Variants in LRRFIP1 observed in about 807,000 individuals in gnomAD.
The protein encoded by LRRFIP1 is LRR binding FLII interacting protein 1, also known as leucine-rich repeat flightless-interacting protein 1.
LRRFIP1 carries 62 observed loss-of-function variants against 104.4 expected under a neutral mutation model. That is an observed-to-expected ratio of 0.59 (90% CI 0.48 to 0.73). The LOEUF (loss-of-function observed/expected upper bound fraction) is 0.73. LRRFIP1 is among the 30% of genes least tolerant of loss of function. The probability of loss-of-function intolerance (pLI) is 0.00; values close to 1 mark genes in which losing one functional copy is unlikely to be tolerated. For missense variants in LRRFIP1, 796 were observed against 824.5 expected, an observed-to-expected ratio of 0.97 and a Z score of 0.42; for synonymous variants, 300 against 299.0, an observed-to-expected ratio of 1.00 and a Z score of -0.03.
At chr2:237,756,416 T>C (rs1009123239) in intron 16 of LRRFIP1, among the ~76,000 whole-genome samples, 35 of 152,346 alleles carry the variant, frequency 2.3e-4, no homozygotes, top group African/African-American at 7.5e-4. Flanking sequence ...TGCTATATCC[T>C]TCCTCCAACG....
chr2:237,628,494 C>T (rs2081911622), intron 1 of LRRFIP1, among the ~76,000 whole-genome samples: 1 of 151,982 alleles, frequency 6.6e-6, no homozygotes, highest in African/African-American at 2.4e-5. Flanking sequence ...ACATGACATC[C>T]AGAAAGCCGT....
At chr2:237,645,981 C>G (rs946585903) in intron 1 of LRRFIP1, among the ~76,000 whole-genome samples, 4 of 151,910 alleles carry the variant, frequency 2.6e-5, no homozygotes, top group Admixed American at 1.3e-4. Context: ...TTTTCTTTTC[C>G]TTAGCTCTGT....
chr2:237,718,348 C>T (rs370221287), intron 4 of LRRFIP1, among the ~76,000 whole-genome samples: 3 of 152,230 alleles, frequency 2.0e-5, no homozygotes, highest in African/African-American at 7.2e-5. Context: ...CTGTGCCTGC[C>T]GAAACCACTG....
At chr2:237,759,603 TC>T (rs1178379726) in intron 18 of LRRFIP1, among the ~76,000 whole-genome samples, 11 of 152,220 alleles carry the variant, frequency 7.2e-5, no homozygotes, top group Non-Finnish European at 1.6e-4. Context: ...TACTGAACAT[TC>T]TAGCCACCTC....
At chr2:237,778,924 AAAAC>A (rs1341226678) in intron 23 of LRRFIP1, among the ~76,000 whole-genome samples, 2 of 149,850 alleles carry the variant, frequency 1.3e-5, no homozygotes, top group Non-Finnish European at 3.0e-5. Context: ...CTCAAAAAAA[AAAAC>A]AAACAAAAAA....
chr2:237,745,434 C>T (rs1052692388), intron 11 of LRRFIP1, among the ~76,000 whole-genome samples: 3 of 152,212 alleles, frequency 2.0e-5, no homozygotes, highest in East Asian at 1.9e-4. Flanking sequence ...ATTTTGAGTC[C>T]GTTGTGTTCT....
At position 237,735,344 on chromosome 2, in the gene LRRFIP1, T is replaced by G; in HGVS notation, c.555+11T>G. 6.2e-7 allele frequency: 1 copy of G among 1,611,994 alleles called. No individual in the cohort carries two copies. Among genetic ancestry groups the G allele is most frequent in the Non-Finnish European group, 8.5e-7 (1 of 1,179,598 alleles). On this transcript the variant is annotated intron_variant, in intron 10 of 23. Transcript: ENST00000308482. The surrounding 1 kb of genome is among the most constrained non-coding windows in gnomAD (Gnocchi z 4.6). ...TCCGGCTCCCGTGCTGTAAGGCGCT[T>G]TCGGTGATACCTCCTTTCCCCCGTG...
At chr2:237,732,515 G>A (rs2095056739) in intron 8 of LRRFIP1, among the ~76,000 whole-genome samples, 1 of 152,206 alleles carries the variant, frequency 6.6e-6, no homozygotes, top group African/African-American at 2.4e-5. Flanking sequence ...TCTACACAAA[G>A]TCACAAGAGC....
rs770670456 is a variant in LRRFIP1 at position 237,751,230 on chromosome 2, G to A, written c.826G>A (p.Asp276Asn). ...CAATGAGTTAAAGGACCAGATTCAG[G>A]ATGTAGAAGGCAAATACATGCAGGG... ...ELNELKDQIQ[D>N]VEGKYMQGLK... Residue 276 changes from aspartate to asparagine, a missense_variant, in exon 14 of 24, where the codon GAT becomes AAT. Transcript: ENST00000308482. 3 of 1,610,600 alleles carry A rather than the reference G, an allele frequency of 1.9e-6. No individual in the cohort carries two copies. Among genetic ancestry groups the A allele is most frequent in the Middle Eastern group, 1.7e-4 (1 of 6,058 alleles).
chr2:237,640,617 C>G (rs981315023), intron 1 of LRRFIP1, among the ~76,000 whole-genome samples: 3 of 152,146 alleles, frequency 2.0e-5, no homozygotes, highest in African/African-American at 7.2e-5. Flanking sequence ...CACATTTCCA[C>G]AGGATTAAAA....
At chr2:237,762,546 T>G in intron 19 of LRRFIP1, 1 of 1,360,200 alleles carries the variant, frequency 7.4e-7, no homozygotes, top group Non-Finnish European at 1.0e-6. Flanking sequence ...CATTCTAATG[T>G]AGATTATGTG....
intron 1 of LRRFIP1, among the ~76,000 whole-genome samples, chr2:237,668,459 A>G (rs2089842628): frequency 6.6e-6 from 1 of 152,136 alleles, no homozygotes; most frequent in Admixed American, 6.5e-5. Flanking sequence ...CCGCCTTACC[A>G]TCCTTAATGA....
At chr2:237,767,647 C>T (rs1410693315) in intron 19 of LRRFIP1, among the ~76,000 whole-genome samples, 4 of 152,106 alleles carry the variant, frequency 2.6e-5, no homozygotes, top group East Asian at 1.9e-4. Flanking sequence ...TGTAATTAAC[C>T]GGAGACCTAA....
intron 1 of LRRFIP1, among the ~76,000 whole-genome samples, chr2:237,678,388 G>C (rs1359809381): frequency 6.6e-6 from 1 of 152,222 alleles, no homozygotes; most frequent in Non-Finnish European, 1.5e-5. Flanking sequence ...AGAAGCCCTG[G>C]GGTATGCAGG....
intron 1 of LRRFIP1, among the ~76,000 whole-genome samples, chr2:237,630,815 G>A (rs1014442996): frequency 2.0e-5 from 3 of 152,226 alleles, no homozygotes; most frequent in African/African-American, 7.2e-5. Flanking sequence ...ATCCTCTGTG[G>A]GTGGCCTCAT....
intron 14 of LRRFIP1, among the ~76,000 whole-genome samples, chr2:237,752,773 A>G (rs2058782756): frequency 6.6e-6 from 1 of 152,102 alleles, no homozygotes; most frequent in Non-Finnish European, 1.5e-5. Context: ...TCTGCCTGCC[A>G]TTTTCCTATG....
chr2:237,772,850 C>G lies in LRRFIP1; in HGVS notation c.1628-16C>G. 1 of 1,588,526 alleles carries G rather than the reference C, an allele frequency of 6.3e-7. No individual in the cohort carries two copies. The highest frequency in any genetic ancestry group is 8.6e-7 in the Non-Finnish European group (1 of 1,158,000). ...CCCAAGAGCTTAACAGATTTTCCTT[C>G]TCTTTCAACCTTTAGGGGATGCCAA... On this transcript the variant is annotated splice_polypyrimidine_tract_variant and intron_variant, in intron 21 of 23. Coordinates refer to ENST00000308482, the MANE Select transcript of LRRFIP1 (RefSeq NM_001137550.2).
At chr2:237,708,397 C>A in intron 1 of LRRFIP1, 147 bp from the exon 2 acceptor site, 1 of 597,026 alleles carries the variant, frequency 1.7e-6, no homozygotes, top group African/African-American at 1.9e-5. Context: ...TGCTCCTGAC[C>A]ACCCTTTTAC....
chr2:237,683,640 A>G (rs185620064), intron 1 of LRRFIP1: 22 of 152,356 alleles, frequency 1.4e-4, no homozygotes, highest in Non-Finnish European at 2.9e-4. Flanking sequence ...AAACCCTTCT[A>G]TTAGAGTGTG....
Sources: gnomAD v4.1 joint callset for allele counts (sites outside exome capture counted in the v4.1 genomes callset) on GRCh38, gnomAD v4.1.1 for gene constraint, Gnocchi (gnomAD v3.1) non-coding constraint, MANE v1.5 for transcripts, NCBI Gene and HGNC (gene_info 2026-07-23, HGNC 2026-07-21) for gene names.